Variants in CUL1 observed in about 807,000 individuals in gnomAD.
The protein encoded by CUL1 is cullin-1.
Under a neutral mutation model 118.0 loss-of-function variants are expected in CUL1, and 24 were observed. The observed-to-expected ratio is 0.20, with a 90% CI of 0.15 to 0.29. The LOEUF is 0.29. CUL1 is among the 10% of genes least tolerant of loss of function. The pLI is 1.00. For missense variants in CUL1, 361 were observed against 933.8 expected (o/e 0.39, Z 7.99); for synonymous variants, 332 against 340.4 (o/e 0.98, Z 0.27).
intron 7 of CUL1, among the ~76,000 whole-genome samples, chr7:148,762,043 T>C (rs1374921174): frequency 6.6e-6 from 1 of 152,208 alleles, no homozygotes; most frequent in South Asian, 2.1e-4. Context: ...CCTCCTGTTG[T>C]GCGGCCCAGT....
chr7:148,751,349 A>G (rs965307700), intron 2 of CUL1, among the ~76,000 whole-genome samples: 7 of 152,178 alleles, frequency 4.6e-5, no homozygotes, highest in Non-Finnish European at 8.8e-5. Context: ...GGAGTTCAAG[A>G]CCAACCTGAC....
chr7:148,800,774 A>G lies in CUL1; in HGVS notation c.*192A>G. 1 of 538,468 alleles carries G rather than the reference A, an allele frequency of 1.9e-6. No homozygotes were observed. Among genetic ancestry groups the G allele is most frequent in the East Asian group, 3.2e-5 (1 of 31,098 alleles). 33.4% of individuals were successfully genotyped at this position (538,468 alleles called of 1,614,324 possible). Reference sequence around the variant, plus strand: ...CAGGATTGATACATTTCAAGTCTGTAAATACGGACACCAACGCCATTTACC... The same window carrying G: ...CAGGATTGATACATTTCAAGTCTGTGAATACGGACACCAACGCCATTTACC... On this transcript the variant is annotated 3_prime_UTR_variant, in exon 22 of 22. Transcript: ENST00000325222. The surrounding 1 kb of genome is among the most constrained non-coding windows in gnomAD (Gnocchi z 4.6).
In CUL1 at chr7:148,760,512, G is replaced by A; in HGVS notation, c.789+16G>A. The A allele has an allele frequency of 3.8e-6, 6 of 1,570,020 alleles. No individual in the cohort carries two copies. The highest frequency in any genetic ancestry group is 5.2e-6 in the Non-Finnish European group (6 of 1,154,814). ...TATGAAAAAGGTAAGCTTAAATATA[G>A]TACTTTAAGTAGACTTAAGTTAAAG... On this transcript the variant is annotated intron_variant, in intron 7 of 21. Transcript: ENST00000325222.
Position 148,743,352 on chromosome 7 carries a change from T to C in CUL1, c.141-10624T>C, listed in dbSNP as rs1437763235. Reference sequence around the variant, plus strand: ...TGTGTGATATTGTCCTGTTGGTAGCTTGCATCTGCCATGGTGGGAACCTTA... The same window carrying C: ...TGTGTGATATTGTCCTGTTGGTAGCCTGCATCTGCCATGGTGGGAACCTTA... On this transcript the variant is annotated intron_variant, in intron 2 of 21. Coordinates refer to ENST00000325222, the MANE Select transcript of CUL1 (RefSeq NM_003592.3). Among the ~76,000 whole-genome samples the C allele has an allele frequency of 3.3e-5, 5 of 152,226 alleles. No homozygotes were observed. The East Asian group carries it at 9.6e-4, about 29-fold the overall frequency.
intron 1 of CUL1, among the ~76,000 whole-genome samples, chr7:148,718,177 C>T (rs557775182): frequency 6.6e-6 from 1 of 152,346 alleles, no homozygotes; most frequent in South Asian, 2.1e-4. Flanking sequence ...AGATTTACAG[C>T]TAGCATGCTT....
chr7:148,706,932 T>C (rs1254055755), intron 1 of CUL1, among the ~76,000 whole-genome samples: 1 of 152,172 alleles, frequency 6.6e-6, no homozygotes, highest in Non-Finnish European at 1.5e-5. Context: ...GATCTGTGAA[T>C]AAACGTAGGA....
intron 1 of CUL1, among the ~76,000 whole-genome samples, chr7:148,702,128 C>T (rs1563143833): frequency 6.6e-6 from 1 of 152,184 alleles, no homozygotes; most frequent in African/African-American, 2.4e-5. Flanking sequence ...ATGTTTACTA[C>T]TGAGGACATA....
At chr7:148,701,474 A>G (rs1797720200) in intron 1 of CUL1, among the ~76,000 whole-genome samples, 2 of 152,154 alleles carry the variant, frequency 1.3e-5, no homozygotes. Flanking sequence ...TTTCCCCCTT[A>G]AAACTAGTTT....
intron 1 of CUL1, among the ~76,000 whole-genome samples, chr7:148,707,258 G>A (rs138072139): frequency 8.1e-4 from 124 of 152,244 alleles, no homozygotes; most frequent in African/African-American, 2.7e-3. Flanking sequence ...GGAAATATTC[G>A]TGGTTCTTTG....
intron 12 of CUL1, 71 bp downstream of exon 12, chr7:148,786,670 A>C: frequency 8.3e-7 from 1 of 1,212,064 alleles, no homozygotes; most frequent in Non-Finnish European, 1.2e-6. Flanking sequence ...TGTTATTTGT[A>C]GATGGCCTCT....
chr7:148,768,294 T>A (rs1023508142), intron 9 of CUL1, among the ~76,000 whole-genome samples: 2 of 152,148 alleles, frequency 1.3e-5, no homozygotes, highest in Admixed American at 6.5e-5. Context: ...TAATTGCGTT[T>A]TTAAGACACA....
intron 1 of CUL1, among the ~76,000 whole-genome samples, chr7:148,727,166 A>G (rs1584771777): frequency 1.3e-5 from 2 of 152,196 alleles, no homozygotes; most frequent in Non-Finnish European, 2.9e-5. Flanking sequence ...AGTAGTCACT[A>G]AAATCCTGTA....
intron 1 of CUL1, among the ~76,000 whole-genome samples, chr7:148,704,014 TAGAATA>T (rs1161033481): frequency 3.3e-5 from 5 of 152,222 alleles, no homozygotes; most frequent in South Asian, 2.1e-4. Flanking sequence ...TTGAGTACTT[TAGAATA>T]ATAAAACTTC....
At chr7:148,741,878 A>G (rs952510336) in intron 2 of CUL1, among the ~76,000 whole-genome samples, 5 of 152,178 alleles carry the variant, frequency 3.3e-5, no homozygotes, top group African/African-American at 1.2e-4. Context: ...CCGGCTCAAC[A>G]CTTGTTATTT....
chr7:148,736,007 TA>T (rs60787796), intron 2 of CUL1, among the ~76,000 whole-genome samples: 2,571 of 132,698 alleles, frequency 0.019, 65 homozygotes, highest in African/African-American at 0.064. Context: ...ACCTTGTCTT[TA>T]AAAAAAAAAA....
intron 1 of CUL1, among the ~76,000 whole-genome samples, chr7:148,724,170 T>A (rs979333205): frequency 6.6e-6 from 1 of 152,174 alleles, no homozygotes; most frequent in Non-Finnish European, 1.5e-5. Context: ...TGCAGGTCAT[T>A]TAGTTCACAC....
Position 148,759,533 on chromosome 7 carries a change from A to G in CUL1, c.535-15A>G. On this transcript the variant is annotated splice_polypyrimidine_tract_variant and intron_variant, in intron 5 of 21. Coordinates refer to ENST00000325222, the MANE Select transcript of CUL1 (RefSeq NM_003592.3). ...TCTATAACCTGTGTAATATTTTTCT[A>G]CATCCTTTCTAAAGGTAACAAATGC... 6.5e-7 allele frequency: 1 copy of G among 1,541,796 alleles called. No individual in the cohort carries two copies. Among genetic ancestry groups the G allele is most frequent in the Non-Finnish European group, 8.9e-7 (1 of 1,121,266 alleles).
chr7:148,770,926 AAGTT>A (rs1346189135), intron 9 of CUL1, among the ~76,000 whole-genome samples: 1 of 152,222 alleles, frequency 6.6e-6, no homozygotes, highest in East Asian at 1.9e-4. Flanking sequence ...AGGTTAGTAA[AAGTT>A]AGAATCATTG....
intron 1 of CUL1, among the ~76,000 whole-genome samples, chr7:148,717,898 G>A (rs1206876104): frequency 6.6e-6 from 1 of 152,156 alleles, no homozygotes; most frequent in Non-Finnish European, 1.5e-5. Context: ...TAATATGGCA[G>A]CAAATCATCC....
Sources: gnomAD v4.1 joint callset for allele counts (sites outside exome capture counted in the v4.1 genomes callset) on GRCh38, gnomAD v4.1.1 for gene constraint, Gnocchi (gnomAD v3.1) non-coding constraint, MANE v1.5 for transcripts, NCBI Gene and HGNC (gene_info 2026-07-23, HGNC 2026-07-21) for gene names.